The following KIAA0319L variants were observed in gnomAD, a reference collection of about 807,000 sequenced individuals.
The protein encoded by KIAA0319L is dyslexia-associated protein KIAA0319-like protein.
KIAA0319L carries 55 observed loss-of-function variants against 120.1 expected under a neutral mutation model. That is an observed-to-expected ratio of 0.46 (90% CI 0.37 to 0.57). The LOEUF (loss-of-function observed/expected upper bound fraction) is 0.57, where lower values mean the gene tolerates loss of function less well. Ranked by LOEUF, KIAA0319L falls within the 20% of genes least tolerant of loss-of-function variation. The pLI is 0.00. For missense variants in KIAA0319L, 1,049 were observed against 1,255.3 expected (o/e 0.84, Z 2.48); for synonymous variants, 398 against 471.9 (o/e 0.84, Z 2.03).
chr1:35,524,126 T>C (rs560638583), intron 2 of KIAA0319L, among the ~76,000 whole-genome samples: 1 of 152,262 alleles, frequency 6.6e-6, no homozygotes, highest in East Asian at 1.9e-4. Context: ...GTCTTACAAA[T>C]TGAACTTGGT....
intron 2 of KIAA0319L, among the ~76,000 whole-genome samples, chr1:35,531,252 G>A (rs955733472): frequency 6.6e-6 from 1 of 152,178 alleles, no homozygotes; most frequent in Non-Finnish European, 1.5e-5. Flanking sequence ...TTGCACTTTG[G>A]CACCCTTTGT....
chr1:35,540,830 A>G (rs554658728), intron 2 of KIAA0319L, among the ~76,000 whole-genome samples: 2 of 152,328 alleles, frequency 1.3e-5, no homozygotes, highest in South Asian at 4.1e-4. Context: ...GATGTCAGCA[A>G]TGCCATCCCT....
chr1:35,484,007 G>A (rs773617458), intron 3 of KIAA0319L, among the ~76,000 whole-genome samples: 8 of 151,828 alleles, frequency 5.3e-5, no homozygotes, highest in Non-Finnish European at 8.8e-5. Flanking sequence ...CCTTTCTCTC[G>A]TATAAAGACA....
chr1:35,441,761 C>T (rs1272289264), intron 19 of KIAA0319L, among the ~76,000 whole-genome samples: 1 of 151,956 alleles, frequency 6.6e-6, no homozygotes, highest in Non-Finnish European at 1.5e-5. Flanking sequence ...TCTTAGAAGA[C>T]TCAATAGGAA....
At chr1:35,516,081 C>T (rs772737091) in intron 2 of KIAA0319L, among the ~76,000 whole-genome samples, 3 of 152,022 alleles carry the variant, frequency 2.0e-5, no homozygotes, top group Non-Finnish European at 2.9e-5. Flanking sequence ...CCAAAAAAAG[C>T]CCAAGACCAG....
intron 20 of KIAA0319L, among the ~76,000 whole-genome samples, chr1:35,435,915 C>A (rs984280930): frequency 6.6e-6 from 1 of 152,170 alleles, no homozygotes; most frequent in Non-Finnish European, 1.5e-5. Flanking sequence ...GCTGAGATAG[C>A]AGGACTAGAG....
At chr1:35,450,556 A>G (rs1641984826) in intron 13 of KIAA0319L, 47 bp from the exon 14 acceptor site, 2 of 1,549,748 alleles carry the variant, frequency 1.3e-6, no homozygotes, top group East Asian at 4.5e-5. Flanking sequence ...CTGGAAAAGA[A>G]GAAATGTTTC....
At chr1:35,542,913 G>A (rs1646844820) in intron 2 of KIAA0319L, among the ~76,000 whole-genome samples, 1 of 152,144 alleles carries the variant, frequency 6.6e-6, no homozygotes. Context: ...TTTTTAAATT[G>A]AGTTGGATTT....
intron 2 of KIAA0319L, among the ~76,000 whole-genome samples, chr1:35,534,858 CAAAAAAAAA>C (rs779838672): frequency 2.3e-5 from 1 of 42,636 alleles, no homozygotes; most frequent in African/African-American, 6.8e-5. Context: ...GACTCCGTCT[CAAAAAAAAA>C]AAAAAAAAAA....
chr1:35,454,255 G>A (rs890437849), intron 11 of KIAA0319L, 107 bp downstream of exon 11: 87 of 1,164,884 alleles, frequency 7.5e-5, no homozygotes, highest in Non-Finnish European at 9.6e-5. Flanking sequence ...CTATGGATCG[G>A]TGCCTTCTGC....
chr1:35,450,792 A>G (rs1570641476), intron 13 of KIAA0319L, among the ~76,000 whole-genome samples: 1 of 152,126 alleles, frequency 6.6e-6, no homozygotes, highest in Non-Finnish European at 1.5e-5. Context: ...AATGGAATCC[A>G]TTTCTCTGCT....
chr1:35,441,407 G>C (rs960250150), intron 19 of KIAA0319L, among the ~76,000 whole-genome samples: 1 of 152,130 alleles, frequency 6.6e-6, no homozygotes, highest in Admixed American at 6.5e-5. Flanking sequence ...GGTTAAAAAC[G>C]TAAAGAAAAC....
chr1:35,480,484 T>G, intron 3 of KIAA0319L, among the ~76,000 whole-genome samples: 1 of 152,030 alleles, frequency 6.6e-6, no homozygotes, highest in East Asian at 1.9e-4. Flanking sequence ...GTATGGATTT[T>G]TTAAAAATCA....
chr1:35,516,810 A>C (rs1263980412), intron 2 of KIAA0319L, among the ~76,000 whole-genome samples: 1 of 152,176 alleles, frequency 6.6e-6, no homozygotes, highest in Non-Finnish European at 1.5e-5. Flanking sequence ...AAAACCCCAC[A>C]GTCTCGGCCC....
intron 3 of KIAA0319L, among the ~76,000 whole-genome samples, chr1:35,491,284 T>G (rs907463883): frequency 6.6e-5 from 10 of 152,140 alleles, no homozygotes; most frequent in African/African-American, 2.4e-4. Context: ...AGAAAAATAT[T>G]TGAATAATTG....
chr1:35,448,159 C>T lies in KIAA0319L; in HGVS notation c.2513+14G>A. ...TGGTCTTTCCTTTGCTCCCCCCATT[C>T]ATTGCCCAGCTACCTCTGCTCCGTG... On this transcript the variant is annotated intron_variant, in intron 16 of 20. Coordinates refer to ENST00000325722, the MANE Select transcript of KIAA0319L (RefSeq NM_024874.5). The T allele has an allele frequency of 6.4e-7, 1 of 1,571,536 alleles. No individual in the cohort carries two copies. Among genetic ancestry groups the T allele is most frequent in the Non-Finnish European group, 8.6e-7 (1 of 1,156,302 alleles).
chr1:35,440,786 TGAG>T lies in KIAA0319L; in HGVS notation c.2962+258_2962+260del, dbSNP rs1641148856. 2.4e-5 allele frequency: 12 copies of T among 490,460 alleles called. No individual in the cohort carries two copies. The Admixed American group carries it at 3.6e-4, about 15-fold the overall frequency. 30.4% of individuals were successfully genotyped at this position (490,460 alleles called of 1,614,324 possible). On this transcript the variant is annotated intron_variant, in intron 20 of 20. Coordinates refer to ENST00000325722, the MANE Select transcript of KIAA0319L (RefSeq NM_024874.5). Reference sequence around the variant, plus strand: ...AAAGCGGAACTCCAGGTGGGAAACATGAGGAGAATGCCCAGGCAAAGGAAAACA... The same window carrying T: ...AAAGCGGAACTCCAGGTGGGAAACATGAGAATGCCCAGGCAAAGGAAAACA...
chr1:35,470,305 C>A lies in KIAA0319L; in HGVS notation c.1113+558G>T, dbSNP rs567400091. 2.0e-5 allele frequency among the ~76,000 whole-genome samples: 3 copies of A among 151,978 alleles called. No individual in the cohort carries two copies. The East Asian group carries it at 5.9e-4, about 30-fold the overall frequency. ...ACCAGGTGTTCAAGACCAGCCTGGG[C>A]AATATGATGAGACTCTATCTCTATA... is the stretch of plus-strand genomic sequence containing the variant. On this transcript the variant is annotated intron_variant, in intron 6 of 20. Transcript: ENST00000325722.
intron 3 of KIAA0319L, among the ~76,000 whole-genome samples, chr1:35,496,656 A>G (rs1644816294): frequency 6.6e-6 from 1 of 152,170 alleles, no homozygotes; most frequent in Non-Finnish European, 1.5e-5. Context: ...AAAGCCAGCT[A>G]CTAGGTGCTG....
Sources: allele counts gnomAD v4.1 joint callset (sites outside exome capture counted in the v4.1 genomes callset), GRCh38; gene constraint gnomAD v4.1.1; transcripts MANE v1.5; gene names NCBI Gene and HGNC (gene_info 2026-07-23, HGNC 2026-07-21).